Variants in NID1 observed in about 807,000 individuals in gnomAD.
NID1 encodes the protein nidogen 1.
In NID1, 76 loss-of-function variants were observed where a neutral mutation model predicts 130.6. The observed-to-expected ratio is 0.58, with a 90% CI of 0.48 to 0.70. The LOEUF (loss-of-function observed/expected upper bound fraction) is 0.70. Ranked by LOEUF, NID1 falls within the 30% of genes least tolerant of loss-of-function variation. The probability of loss-of-function intolerance (pLI) is 0.00; values close to 1 mark genes in which losing one functional copy is unlikely to be tolerated. For missense variants in NID1, 1,517 were observed against 1,664.8 expected (o/e 0.91, Z 1.54); for synonymous variants, 665 against 675.1 (o/e 0.98, Z 0.23).
At position 236,065,013 on chromosome 1, in the gene NID1, C is replaced by CCAGCAGCAGCGG. The variant is rs1295141775; in HGVS notation, c.55_66dup (p.Pro19_Leu22dup). The CCAGCAGCAGCGG allele has an allele frequency of 3.2e-6, 5 of 1,563,328 alleles. No individual in the cohort carries two copies. Among genetic ancestry groups the CCAGCAGCAGCGG allele is most frequent in the African/African-American group, 2.7e-5 (2 of 73,432 alleles). The stretch of plus-strand genomic sequence containing the variant: ...CGGCTCAGGCAGCCCACAGGCCCCG[C>CCAGCAGCAGCGG]CAGCAGCAGCGGCAGCAGCAGCGCC... On this transcript the variant is annotated inframe_insertion, in exon 1 of 20. Coordinates refer to ENST00000264187, the MANE Select transcript of NID1 (RefSeq NM_002508.3). This position sits in a 1 kb window ranked among gnomAD's most constrained non-coding sequence, Gnocchi z 4.1.
At chr1:236,052,752 G>A (rs1203115269) in intron 1 of NID1, among the ~76,000 whole-genome samples, 2 of 152,158 alleles carry the variant, frequency 1.3e-5, no homozygotes, top group African/African-American at 4.8e-5. Flanking sequence ...TGTCTAAACT[G>A]TCCGACTGTG....
intron 2 of NID1, among the ~76,000 whole-genome samples, chr1:236,046,058 C>T (rs1019839902): frequency 1.3e-5 from 2 of 152,142 alleles, no homozygotes; most frequent in African/African-American, 2.4e-5. Context: ...CCGCATTCAT[C>T]GTTTAACAAA....
At position 236,045,070 on chromosome 1, in the gene NID1, A is replaced by G. The variant is rs1327863768; in HGVS notation, c.752+387T>C. 7.2e-5 allele frequency among the ~76,000 whole-genome samples: 11 copies of G among 152,162 alleles called. No homozygotes were observed. In the East Asian group the frequency reaches 1.4e-3, roughly 19 times the overall value. The stretch of plus-strand genomic sequence containing the variant: ...AAGAATTAGCTGGGCATGGTGGCAC[A>G]CACCTGTAATCCCAGCTACTTGGGA... On this transcript the variant is annotated intron_variant, in intron 3 of 19. Transcript: ENST00000264187.
intron 1 of NID1, among the ~76,000 whole-genome samples, chr1:236,051,453 T>A (rs1659762508): frequency 6.6e-6 from 1 of 152,192 alleles, no homozygotes; most frequent in South Asian, 2.1e-4. Flanking sequence ...CAGGTGAGGA[T>A]TGGAACCAGG....
chr1:236,047,577 G>A (rs538632399), intron 2 of NID1, among the ~76,000 whole-genome samples: 1 of 152,104 alleles, frequency 6.6e-6, no homozygotes, highest in Admixed American at 6.6e-5. Context: ...CCAACCCTGG[G>A]TTATGACAAT....
At chr1:236,041,816 T>G (rs989699224) in intron 4 of NID1, 94 bp downstream of exon 4, 1 of 1,458,124 alleles carries the variant, frequency 6.9e-7, no homozygotes. Flanking sequence ...CAAACCACCA[T>G]GTAATGCTCA....
intron 7 of NID1, among the ~76,000 whole-genome samples, chr1:236,029,170 C>G (rs1184054399): frequency 7.9e-6 from 1 of 127,056 alleles, no homozygotes. Flanking sequence ...GGAGTGAAAC[C>G]CTGTCTCAAA....
At chr1:236,004,864 T>C (rs1658201609) in intron 12 of NID1, among the ~76,000 whole-genome samples, 1 of 151,228 alleles carries the variant, frequency 6.6e-6, no homozygotes, top group African/African-American at 2.4e-5. Context: ...AAGACAGTGC[T>C]GAGAGTGGGA....
chr1:236,041,860 G>T (rs747209018), intron 4 of NID1, 50 bp downstream of exon 4: 6 of 1,557,874 alleles, frequency 3.9e-6, no homozygotes, highest in Non-Finnish European at 5.2e-6. Flanking sequence ...CGCCTGTCTG[G>T]AAGCCCACAC....
At chr1:236,029,802 T>G in intron 6 of NID1, 52 bp from the exon 7 acceptor site, 1 of 1,573,542 alleles carries the variant, frequency 6.4e-7, no homozygotes, top group Non-Finnish European at 8.7e-7. Flanking sequence ...CGCGCCCTTC[T>G]GCCCGCCCCA....
chr1:235,983,405 A>T (rs1179820332), intron 15 of NID1, among the ~76,000 whole-genome samples: 17 of 152,232 alleles, frequency 1.1e-4, no homozygotes, highest in Admixed American at 1.1e-3. Context: ...AATATTTCCC[A>T]TGTCCCTAGA....
chr1:235,999,724 G>A (rs1198843701), intron 12 of NID1, among the ~76,000 whole-genome samples: 1 of 152,030 alleles, frequency 6.6e-6, no homozygotes, highest in African/African-American at 2.4e-5. Context: ...TCAAGGTGGG[G>A]GGACAAAGAG....
intron 12 of NID1, among the ~76,000 whole-genome samples, chr1:235,997,641 G>A (rs1307565036): frequency 8.1e-6 from 1 of 123,034 alleles, no homozygotes; most frequent in Non-Finnish European, 1.6e-5. Flanking sequence ...GTCTCACTCT[G>A]TCTTGCACAG....
At chr1:236,006,865 T>C (rs1658263357) in intron 12 of NID1, among the ~76,000 whole-genome samples, 1 of 151,706 alleles carries the variant, frequency 6.6e-6, no homozygotes, top group Non-Finnish European at 1.5e-5. Context: ...ATTTTTACAA[T>C]ATAAAGATAG....
intron 1 of NID1, chr1:236,064,567 C>G: frequency 2.5e-6 from 1 of 400,002 alleles, no homozygotes; most frequent in Non-Finnish European, 4.6e-6. Flanking sequence ...GCGATGCAGC[C>G]CACAGCCGCC....
chr1:236,024,737 T>A (rs192308474), intron 8 of NID1, among the ~76,000 whole-genome samples: 43 of 152,286 alleles, frequency 2.8e-4, no homozygotes, highest in African/African-American at 1.0e-3. Context: ...AGACTCCAAT[T>A]ACACAGGACC....
intron 4 of NID1, among the ~76,000 whole-genome samples, chr1:236,039,374 T>C (rs941423027): frequency 2.0e-5 from 3 of 151,676 alleles, no homozygotes; most frequent in Non-Finnish European, 2.9e-5. Context: ...CCATTGTGCC[T>C]GGCTTATATT....
chr1:236,003,741 G>C (rs1461057600), intron 12 of NID1, among the ~76,000 whole-genome samples: 1 of 152,150 alleles, frequency 6.6e-6, no homozygotes, highest in African/African-American at 2.4e-5. Flanking sequence ...TTGATGGCAA[G>C]CACCTGTAAT....
chr1:236,021,450 G>A (rs1365705197), intron 9 of NID1, among the ~76,000 whole-genome samples: 1 of 152,328 alleles, frequency 6.6e-6, no homozygotes, highest in Non-Finnish European at 1.5e-5. Context: ...CACCCTGACA[G>A]GCACCTTGCA....
Sources: allele counts gnomAD v4.1 joint callset (sites outside exome capture counted in the v4.1 genomes callset), GRCh38; gene constraint gnomAD v4.1.1; non-coding constraint Gnocchi (gnomAD v3.1); transcripts MANE v1.5; gene names NCBI Gene and HGNC (gene_info 2026-07-23, HGNC 2026-07-21).